The following SPOCK1 variants were observed in gnomAD, a reference collection of about 807,000 sequenced individuals.
SPOCK1 encodes the protein SPARC (osteonectin), cwcv and kazal like domains proteoglycan 1.
SPOCK1 carries 23 observed loss-of-function variants against 55.3 expected under a neutral mutation model. The observed-to-expected ratio is 0.42, with a 90% CI of 0.30 to 0.59. The LOEUF (loss-of-function observed/expected upper bound fraction) is 0.59. Ranked by LOEUF, SPOCK1 falls within the 20% of genes least tolerant of loss-of-function variation. SPOCK1 has a pLI of 0.22. For synonymous variants in SPOCK1, 226 were observed against 221.0 expected (o/e 1.02, Z -0.20); for missense variants, 499 against 552.5 (o/e 0.90, Z 0.97).
At chr5:137,379,561 C>T (rs1240680779) in intron 2 of SPOCK1, among the ~76,000 whole-genome samples, 1 of 123,624 alleles carries the variant, frequency 8.1e-6, no homozygotes, top group African/African-American at 3.0e-5. Context: ...TCCTAAACAC[C>T]CTGCAAATGC....
chr5:137,424,222 A>C (rs537821786), intron 2 of SPOCK1, among the ~76,000 whole-genome samples: 4 of 152,172 alleles, frequency 2.6e-5, no homozygotes, highest in East Asian at 1.9e-4. Context: ...CTCTAAAAAA[A>C]ACTTTTAAAT....
chr5:137,311,415 A>C (rs986359), intron 2 of SPOCK1, among the ~76,000 whole-genome samples: 46,718 of 152,080 alleles, frequency 0.31, 8,259 homozygotes, highest in Middle Eastern at 0.46. Flanking sequence ...GGAGTATTAA[A>C]ACATACCACT....
intron 3 of SPOCK1, among the ~76,000 whole-genome samples, chr5:137,199,990 T>C (rs1185069945): frequency 6.6e-6 from 1 of 152,210 alleles, no homozygotes; most frequent in Non-Finnish European, 1.5e-5. Context: ...TTCTCGCCTC[T>C]GGCATCACCA....
chr5:137,289,227 T>C (rs1342796114), intron 2 of SPOCK1, among the ~76,000 whole-genome samples: 20 of 152,238 alleles, frequency 1.3e-4, no homozygotes, highest in Admixed American at 1.3e-3. Flanking sequence ...AATACTCTTG[T>C]TTAATAAATG....
chr5:137,450,957 C>T (rs1748626968), intron 2 of SPOCK1, among the ~76,000 whole-genome samples: 1 of 152,284 alleles, frequency 6.6e-6, no homozygotes, highest in African/African-American at 2.4e-5. Context: ...TCCCTGCCCA[C>T]CCATGCCAGG....
At chr5:137,282,701 ATC>A (rs1394560167) in intron 2 of SPOCK1, among the ~76,000 whole-genome samples, 1 of 152,128 alleles carries the variant, frequency 6.6e-6, no homozygotes, top group African/African-American at 2.4e-5. Flanking sequence ...GCCAGAGAAA[ATC>A]TCCAGTTTCT....
intron 2 of SPOCK1, among the ~76,000 whole-genome samples, chr5:137,384,711 C>T (rs10075137): frequency 0.085 from 12,939 of 151,776 alleles, 1,216 homozygotes; most frequent in African/African-American, 0.24. Context: ...TCCTTGGTTG[C>T]GGCAGTAAAA....
At chr5:137,274,446 C>G (rs1757024605) in intron 2 of SPOCK1, among the ~76,000 whole-genome samples, 1 of 152,218 alleles carries the variant, frequency 6.6e-6, no homozygotes, top group African/African-American at 2.4e-5. Context: ...ATCCATAAAA[C>G]AAGACCACTT....
intron 9 of SPOCK1, among the ~76,000 whole-genome samples, chr5:136,980,713 A>G (rs1360389011): frequency 6.6e-6 from 1 of 152,166 alleles, no homozygotes; most frequent in Non-Finnish European, 1.5e-5. Flanking sequence ...TCTTCATAGC[A>G]GTGTGAAAAT....
intron 6 of SPOCK1, among the ~76,000 whole-genome samples, chr5:137,026,974 C>T (rs1561584056): frequency 6.6e-6 from 1 of 152,200 alleles, no homozygotes; most frequent in Non-Finnish European, 1.5e-5. Context: ...AGTAGTCATT[C>T]AGTAAATATC....
At chr5:137,112,365 G>T (rs1051056129) in intron 5 of SPOCK1, 70 bp downstream of exon 5, 6 of 1,561,600 alleles carry the variant, frequency 3.8e-6, no homozygotes, top group Non-Finnish European at 5.2e-6. Context: ...CCCCAGTTTT[G>T]GCATAGAGAA....
At chr5:137,331,551 G>A (rs987942775) in intron 2 of SPOCK1, among the ~76,000 whole-genome samples, 25 of 152,284 alleles carry the variant, frequency 1.6e-4, no homozygotes, top group South Asian at 6.2e-4. Flanking sequence ...GCATGGTGCC[G>A]GCGTCTGCTC....
At chr5:137,198,327 T>C (rs190002262) in intron 3 of SPOCK1, among the ~76,000 whole-genome samples, 11 of 152,336 alleles carry the variant, frequency 7.2e-5, no homozygotes, top group Admixed American at 5.9e-4. Flanking sequence ...AAGGATAAAT[T>C]ACTGTTTAAC....
intron 2 of SPOCK1, among the ~76,000 whole-genome samples, chr5:137,478,357 T>C (rs966725831): frequency 6.6e-6 from 1 of 152,150 alleles, no homozygotes; most frequent in Non-Finnish European, 1.5e-5. Context: ...CAATCTCTTG[T>C]AGCAAGATTC....
chr5:137,015,506 C>T (rs2126976985), intron 6 of SPOCK1, among the ~76,000 whole-genome samples: 1 of 152,244 alleles, frequency 6.6e-6, no homozygotes, highest in African/African-American at 2.4e-5. Context: ...CATTCACATT[C>T]ACACTCACAT....
At chr5:137,395,704 C>T (rs893398525) in intron 2 of SPOCK1, among the ~76,000 whole-genome samples, 1 of 152,222 alleles carries the variant, frequency 6.6e-6, no homozygotes, top group African/African-American at 2.4e-5. Flanking sequence ...AATAATGTTC[C>T]TGCAATGCAG....
At chr5:137,290,582 A>C (rs536205283) in intron 2 of SPOCK1, among the ~76,000 whole-genome samples, 3 of 152,232 alleles carry the variant, frequency 2.0e-5, no homozygotes, top group Non-Finnish European at 4.4e-5. Context: ...CATTCTATTC[A>C]TGTACTTTGC....
intron 3 of SPOCK1, among the ~76,000 whole-genome samples, chr5:137,199,927 C>G (rs1440245629): frequency 2.6e-5 from 4 of 152,184 alleles, no homozygotes; most frequent in Admixed American, 2.6e-4. Context: ...TGCCAGCCCC[C>G]TCTAGACTCC....
chr5:137,481,659 C>T (rs1194530222), intron 2 of SPOCK1, among the ~76,000 whole-genome samples: 1 of 152,212 alleles, frequency 6.6e-6, no homozygotes, highest in African/African-American at 2.4e-5. Context: ...TAAAAGGTTA[C>T]TCCAGAAGAT....
Sources: gnomAD v4.1 joint callset for allele counts (sites outside exome capture counted in the v4.1 genomes callset) on GRCh38, gnomAD v4.1.1 for gene constraint, MANE v1.5 for transcripts, NCBI Gene and HGNC (gene_info 2026-07-23, HGNC 2026-07-21) for gene names.